SMARCD3: variants seen among roughly 807,000 people sequenced by gnomAD.
The protein encoded by SMARCD3 is SWI/SNF related BAF chromatin remodeling complex subunit D3.
In SMARCD3, 14 loss-of-function variants were observed where a neutral mutation model predicts 58.0. The ratio of observed to expected loss-of-function variants is 0.24; its 90% CI spans 0.16 to 0.38. The LOEUF (loss-of-function observed/expected upper bound fraction) is 0.38. SMARCD3 is among the 10% of genes least tolerant of loss of function. The probability of loss-of-function intolerance (pLI) is 1.00; values close to 1 mark genes in which losing one functional copy is unlikely to be tolerated. For missense variants in SMARCD3, 408 were observed against 636.9 expected (o/e 0.64, Z 3.87); for synonymous variants, 253 against 253.8 (o/e 1.00, Z 0.03).
At chr7:151,268,934 C>T (rs1472482205) in intron 2 of SMARCD3, among the ~76,000 whole-genome samples, 2 of 152,164 alleles carry the variant, frequency 1.3e-5, no homozygotes, top group African/African-American at 2.4e-5. Context: ...TCAAAGCCCA[C>T]AATGATCCCT....
In SMARCD3 at chr7:151,241,547, C is replaced by T; in HGVS notation, c.884G>A (p.Arg295Lys). The change falls in exon 8 of 13, where the codon AGG (arginine) becomes AAG (lysine). Residue 295 changes from arginine to lysine, a missense_variant. This residue lies in a region of SMARCD3 where 115 missense variants were observed against 257.2 expected (regional missense o/e 0.45). Transcript: ENST00000262188. This position sits in a 1 kb window ranked among gnomAD's most constrained non-coding sequence, Gnocchi z 5.3. ...TTCCTTGTCATGGGAGTCCTGCAGCCTGTTGGTCTTCACATACTGCCACAG... is the reference window on the plus strand; with the variant it reads ...TTCCTTGTCATGGGAGTCCTGCAGCTTGTTGGTCTTCACATACTGCCACAG... ...QALWQYVKTN[R>K]LQDSHDKEYI... 6.2e-7 allele frequency: 1 copy of T among 1,612,002 alleles called. No individual in the cohort carries two copies. Among genetic ancestry groups the T allele is most frequent in the Non-Finnish European group, 8.5e-7 (1 of 1,179,128 alleles).
chr7:151,242,437 A>G lies in SMARCD3; in HGVS notation c.579+44T>C, dbSNP rs1374084484. The G allele has an allele frequency of 6.9e-6, 11 of 1,604,978 alleles. No individual in the cohort carries two copies. The highest frequency in any genetic ancestry group is 3.3e-5 in the South Asian group (3 of 90,986). The stretch of plus-strand genomic sequence containing the variant: ...CCTTGTTCTGTTCTCAGTGCAGCCC[A>G]TGCCCACCCCAGGACACCTGGAGAG... On this transcript the variant is annotated intron_variant, in intron 5 of 12. Coordinates refer to ENST00000262188, the MANE Select transcript of SMARCD3 (RefSeq NM_001003801.2). The surrounding 1 kb of genome is among the most constrained non-coding windows in gnomAD (Gnocchi z 4.7).
chr7:151,259,366 A>AAG, intron 2 of SMARCD3, among the ~76,000 whole-genome samples: 1 of 148,354 alleles, frequency 6.7e-6, no homozygotes. Context: ...AAAAAAAAAA[A>AAG]GAATGTAAGC....
intron 2 of SMARCD3, among the ~76,000 whole-genome samples, chr7:151,261,145 C>A (rs1207834056): frequency 6.6e-6 from 1 of 152,238 alleles, no homozygotes; most frequent in Non-Finnish European, 1.5e-5. Context: ...CTGCCCTGGG[C>A]AGGGTCTCTG....
rs368208319 is a variant in SMARCD3 at position 151,275,122 on chromosome 7, C to A, written c.31G>T (p.Val11Leu). Residue 11 changes from valine to leucine, a missense_variant, in exon 2 of 14, where the codon GTG becomes TTG. Val to Leu is a conservative substitution (Grantham distance 32, BLOSUM62 1). Coordinates refer to the SMARCD3 transcript ENST00000356800. ...GGGGAGGAAGCACCTACCTGTACCACGGTGGGTGGGTGCTGAAGACCTGGA... is the reference window on the plus strand; with the variant it reads ...GGGGAGGAAGCACCTACCTGTACCAAGGTGGGTGGGTGCTGAAGACCTGGA... The A allele has an allele frequency of 5.2e-5, 84 of 1,611,786 alleles. No individual in the cohort carries two copies. The Middle Eastern group carries it at 8.2e-4, about 16-fold the overall frequency.
chr7:151,241,513 A>G lies in SMARCD3; in HGVS notation c.918T>C (p.Asn306=). 6.2e-7 allele frequency: 1 copy of G among 1,612,520 alleles called. No homozygotes were observed. ...TTACCTGCTGGAAATACTTGTCCCC[A>G]TTGATGTATTCCTTGTCATGGGAGT... ...LQDSHDKEYI[N]GDKYFQQIFD... The change falls in exon 8 of 13, where the codon AAT becomes AAC. Residue 306 remains asparagine (N), a synonymous_variant. Coordinates refer to ENST00000262188, the MANE Select transcript of SMARCD3 (RefSeq NM_001003801.2). The surrounding 1 kb of genome is among the most constrained non-coding windows in gnomAD (Gnocchi z 5.3).
At chr7:151,272,920 C>T (rs758902200) in intron 2 of SMARCD3, among the ~76,000 whole-genome samples, 7 of 152,168 alleles carry the variant, frequency 4.6e-5, no homozygotes, top group Admixed American at 6.5e-5. Context: ...CACTCATCCC[C>T]GATGGGTGGC....
At position 151,240,449 on chromosome 7, in the gene SMARCD3, G is replaced by A; in HGVS notation, c.1013C>T (p.Pro338Leu). 1 of 1,613,854 alleles carries A rather than the reference G, an allele frequency of 6.2e-7. No individual in the cohort carries two copies. The highest frequency in any genetic ancestry group is 8.5e-7 in the Non-Finnish European group (1 of 1,179,908). Residue 338 changes from proline to leucine, a missense_variant, in exon 9 of 13, where the codon CCA (proline) becomes CTA (leucine). By Grantham distance (98) the Pro-to-Leu change is moderately conservative. Coordinates refer to ENST00000262188, the MANE Select transcript of SMARCD3 (RefSeq NM_001003801.2). Reference protein sequence around the residue: ...RLTALLLPPDPIVINHVISVD... With the variant: ...RLTALLLPPDLIVINHVISVD... ...CCTGATGACATGGTTGATGACAATT[G>A]GGTCAGGGGGCAATAGCAGGGCTGT...
chr7:151,252,022 C>T (rs564347481), upstream of SMARCD3, among the ~76,000 whole-genome samples: 1 of 151,920 alleles, frequency 6.6e-6, no homozygotes, highest in Admixed American at 6.5e-5. Context: ...CGGGGCCCAG[C>T]TGCAGGACTC....
rs112702662 is a variant in SMARCD3 at position 151,260,473 on chromosome 7, A to C, written c.39+14641T>G. ...GAAGGTTCCCTTTGTTACTGTGGAA[A>C]TATTACTTTTTAGCCAAAAACAAGA... On this transcript the variant is annotated intron_variant, in intron 2 of 13. Coordinates refer to the SMARCD3 transcript ENST00000356800. 3.3e-3 allele frequency among the ~76,000 whole-genome samples: 505 copies of C among 152,332 alleles called. 2 individuals are homozygous for C. Among genetic ancestry groups the C allele is most frequent in the Middle Eastern group, 6.8e-3 (2 of 294 alleles).
In SMARCD3 at chr7:151,240,175, C is replaced by T. The variant is rs1186206425; in HGVS notation, c.1110G>A (p.Gly370=). 15 of 1,614,012 alleles carry T rather than the reference C, an allele frequency of 9.3e-6. No homozygotes were observed. The highest frequency in any genetic ancestry group is 1.1e-5 in the Non-Finnish European group (13 of 1,180,026). Residue 370 remains glycine, a synonymous_variant, in exon 10 of 13, where the codon GGG becomes GGA. Coordinates refer to ENST00000262188, the MANE Select transcript of SMARCD3 (RefSeq NM_001003801.2). ...IDVEVEEPLK[G]QMSSFLLSTA... ...TGGATAGGAGGAAGCTGCTCATCTG[C>T]CCCTTTAATGGCTCCTCCACCTCCA...
intron 9 of SMARCD3, 47 bp from the exon 10 acceptor site, chr7:151,240,294 C>G (rs147332651): frequency 9.3e-7 from 1 of 1,080,736 alleles, no homozygotes; most frequent in Non-Finnish European, 1.4e-6. Flanking sequence ...CCCCATACGG[C>G]CCCAGGGCCC....
At chr7:151,252,023 T>C (rs1375369896), upstream of SMARCD3, among the ~76,000 whole-genome samples, 2 of 151,504 alleles carry the variant, frequency 1.3e-5, no homozygotes, top group Non-Finnish European at 2.9e-5. Context: ...GGGGCCCAGC[T>C]GCAGGACTCC....
At chr7:151,255,163 C>G (rs964336222) in intron 2 of SMARCD3, among the ~76,000 whole-genome samples, 10 of 152,064 alleles carry the variant, frequency 6.6e-5, no homozygotes, top group Non-Finnish European at 1.3e-4. Flanking sequence ...ACAGAAAGCC[C>G]CAGACCCCCT....
At chr7:151,270,822 G>A (rs531920832) in intron 2 of SMARCD3, among the ~76,000 whole-genome samples, 81 of 152,260 alleles carry the variant, frequency 5.3e-4, no homozygotes, top group Non-Finnish European at 1.0e-3. Context: ...CTGAGTATGC[G>A]GCACTCAGAT....
chr7:151,259,615 T>TTTTG (rs1803848349), intron 2 of SMARCD3, among the ~76,000 whole-genome samples: 14 of 134,286 alleles, frequency 1.0e-4, no homozygotes, highest in African/African-American at 3.8e-4. Flanking sequence ...TTTTTTTTTT[T>TTTTG]TTTTTTTTTT....
At chr7:151,276,865 C>T, upstream of SMARCD3, 1 of 88,434 alleles carries the variant, frequency 1.1e-5, no homozygotes, top group East Asian at 3.8e-4. Context: ...AGGGGGAAGC[C>T]AGGCAGGGGG....
At chr7:151,269,911 G>C (rs746562898) in intron 2 of SMARCD3, among the ~76,000 whole-genome samples, 60 of 152,216 alleles carry the variant, frequency 3.9e-4, no homozygotes, top group Non-Finnish European at 7.3e-4. Context: ...TGCCTGGCTG[G>C]AAAGGGAGAG....
intron 2 of SMARCD3, among the ~76,000 whole-genome samples, chr7:151,264,775 G>C (rs180956421): frequency 1.2e-3 from 190 of 152,324 alleles, no homozygotes; most frequent in African/African-American, 4.2e-3. Context: ...TGGCGGTGGA[G>C]GGGGAGCAGA....
Sources: gnomAD v4.1 joint callset for allele counts (sites outside exome capture counted in the v4.1 genomes callset) on GRCh38, gnomAD v4.1.1 for gene constraint, gnomAD v4.1.1 regional missense constraint, Gnocchi (gnomAD v3.1) non-coding constraint, MANE v1.5 for transcripts, NCBI Gene and HGNC (gene_info 2026-07-23, HGNC 2026-07-21) for gene names.